Variants in GRIN2A observed in about 807,000 individuals in gnomAD.
GRIN2A encodes glutamate receptor ionotropic, NMDA 2A.
GRIN2A carries 22 observed loss-of-function variants against 113.4 expected under a neutral mutation model. The ratio of observed to expected loss-of-function variants is 0.19; its 90% CI spans 0.14 to 0.28. The LOEUF (loss-of-function observed/expected upper bound fraction) is 0.28, where lower values mean the gene tolerates loss of function less well. GRIN2A is among the 10% of genes least tolerant of loss of function. GRIN2A has a pLI of 1.00. For missense variants in GRIN2A, 1,502 were observed against 1,887.0 expected, an observed-to-expected ratio of 0.80 and a Z score of 3.78; for synonymous variants, 827 against 738.4, an observed-to-expected ratio of 1.12 and a Z score of -1.94.
intron 2 of GRIN2A, among the ~76,000 whole-genome samples, chr16:10,160,022 G>T (rs1202730344): frequency 6.6e-6 from 1 of 152,192 alleles, no homozygotes; most frequent in Non-Finnish European, 1.5e-5. Context: ...TCTCCAGAGG[G>T]AGCACAGCTT....
intron 2 of GRIN2A, among the ~76,000 whole-genome samples, chr16:10,156,028 T>G (rs184029635): frequency 1.8e-3 from 281 of 152,306 alleles, no homozygotes; most frequent in African/African-American, 6.5e-3. Flanking sequence ...AAATCCACTT[T>G]AAGTGGTAGG....
At chr16:10,027,740 C>G (rs144318064) in intron 2 of GRIN2A, 1 of 152,794 alleles carries the variant, frequency 6.5e-6, no homozygotes, top group East Asian at 1.9e-4. Flanking sequence ...TGTCCCTACC[C>G]TTACTCGTCA....
chr16:10,084,741 A>ATTATTTATTTATT lies in GRIN2A; in HGVS notation c.414+95256_414+95257insAATAAATAAATAA, dbSNP rs1596488999. Among the ~76,000 whole-genome samples, 5 of 35,774 alleles carry ATTATTTATTTATT rather than the reference A, an allele frequency of 1.4e-4. No individual in the cohort carries two copies. In the East Asian group the frequency reaches 6.6e-3, roughly 48 times the overall value. The allele number at this position is 35,774 out of a possible 152,430, so 23.5% of individuals were successfully genotyped here. On this transcript the variant is annotated intron_variant, in intron 2 of 12. Transcript: ENST00000330684. ...TCATTCATGTCTTAATCACCACCTG[A>ATTATTTATTTATT]CACTTTATTTATTTATTTATTTATT...
At chr16:9,932,674 C>G (rs764543386) in intron 3 of GRIN2A, among the ~76,000 whole-genome samples, 2 of 152,054 alleles carry the variant, frequency 1.3e-5, no homozygotes, top group Non-Finnish European at 2.9e-5. Context: ...TGAGCCACCA[C>G]GCCCGGCCTA....
chr16:9,812,966 A>G (rs1430981502), intron 10 of GRIN2A, among the ~76,000 whole-genome samples: 4 of 152,264 alleles, frequency 2.6e-5, no homozygotes, highest in Admixed American at 6.5e-5. Context: ...AAGTTGTTAT[A>G]AGAATTGTGT....
intron 10 of GRIN2A, among the ~76,000 whole-genome samples, chr16:9,810,054 C>G (rs1027400112): frequency 1.7e-4 from 26 of 152,076 alleles, no homozygotes; most frequent in African/African-American, 6.0e-4. Context: ...GGTGAATGAG[C>G]CAGACTCTGT....
chr16:10,009,043 G>C (rs888912441), intron 2 of GRIN2A, among the ~76,000 whole-genome samples: 1 of 152,190 alleles, frequency 6.6e-6, no homozygotes, highest in African/African-American at 2.4e-5. Flanking sequence ...ATGAAAATAC[G>C]TTATATGTCA....
intron 2 of GRIN2A, among the ~76,000 whole-genome samples, chr16:10,130,532 G>A (rs1264078431): frequency 6.6e-6 from 1 of 152,134 alleles, no homozygotes; most frequent in Non-Finnish European, 1.5e-5. Flanking sequence ...CATCTTCCAA[G>A]CCATCCTATT....
chr16:10,110,269 G>T (rs1321130072), intron 2 of GRIN2A, among the ~76,000 whole-genome samples: 1 of 152,232 alleles, frequency 6.6e-6, no homozygotes, highest in Non-Finnish European at 1.5e-5. Flanking sequence ...AAACCATTTG[G>T]AATAGCATTT....
intron 2 of GRIN2A, among the ~76,000 whole-genome samples, chr16:10,013,350 A>G (rs2046544322): frequency 6.6e-6 from 1 of 152,166 alleles, no homozygotes; most frequent in Admixed American, 6.6e-5. Context: ...ATCCAGCCTT[A>G]AGCATCCACA....
At chr16:10,022,730 G>A (rs1047767778) in intron 2 of GRIN2A, among the ~76,000 whole-genome samples, 1 of 152,160 alleles carries the variant, frequency 6.6e-6, no homozygotes, top group Non-Finnish European at 1.5e-5. Flanking sequence ...CCTTGGAACT[G>A]TTTTTCCATA....
intron 2 of GRIN2A, among the ~76,000 whole-genome samples, chr16:9,971,963 G>A (rs567108546): frequency 2.4e-4 from 36 of 152,166 alleles, no homozygotes; most frequent in Admixed American, 1.5e-3. Context: ...AAATGGCACC[G>A]GGTGGCTCAA....
At chr16:9,908,030 G>A (rs759734844) in intron 3 of GRIN2A, among the ~76,000 whole-genome samples, 4 of 152,186 alleles carry the variant, frequency 2.6e-5, no homozygotes, top group East Asian at 1.9e-4. Flanking sequence ...CCTGAGCAGC[G>A]TTGAGAATGT....
intron 2 of GRIN2A, among the ~76,000 whole-genome samples, chr16:10,063,469 T>C (rs2047590139): frequency 6.6e-6 from 1 of 152,226 alleles, no homozygotes; most frequent in Non-Finnish European, 1.5e-5. Context: ...TTCTAGTAGA[T>C]GCTTATGACA....
intron 3 of GRIN2A, among the ~76,000 whole-genome samples, chr16:9,892,427 C>T (rs531838494): frequency 6.6e-6 from 1 of 151,638 alleles, no homozygotes; most frequent in East Asian, 1.9e-4. Context: ...TGGTTGTGGC[C>T]AAAGAAGAAG....
intron 2 of GRIN2A, among the ~76,000 whole-genome samples, chr16:10,035,899 T>C (rs946071077): frequency 6.6e-6 from 1 of 152,114 alleles, no homozygotes; most frequent in Non-Finnish European, 1.5e-5. Flanking sequence ...AATTTTTGTA[T>C]TTTTAGCAGA....
At chr16:10,179,379 G>A (rs1462783854) in intron 2 of GRIN2A, 2 of 154,144 alleles carry the variant, frequency 1.3e-5, no homozygotes, top group East Asian at 1.9e-4. Flanking sequence ...CTTGAGGAAC[G>A]GGTCTCTCCT....
chr16:9,846,690 G>C (rs1266945516), intron 5 of GRIN2A, among the ~76,000 whole-genome samples: 1 of 152,194 alleles, frequency 6.6e-6, no homozygotes, highest in African/African-American at 2.4e-5. Context: ...CAGGTGATGA[G>C]GGTAGAGAGA....
intron 11 of GRIN2A, among the ~76,000 whole-genome samples, chr16:9,788,959 G>C (rs1034081596): frequency 6.6e-6 from 1 of 152,026 alleles, no homozygotes; most frequent in African/African-American, 2.4e-5. Context: ...GGCCAGGCTG[G>C]TCTCGAACTC....
Sources: allele counts gnomAD v4.1 joint callset (sites outside exome capture counted in the v4.1 genomes callset), GRCh38; gene constraint gnomAD v4.1.1; transcripts MANE v1.5; gene names NCBI Gene and HGNC (gene_info 2026-07-23, HGNC 2026-07-21).